Variants in ANKRD61 observed in about 807,000 individuals in gnomAD.
ANKRD61 encodes ankyrin repeat domain 61.
ANKRD61 carries 7 observed loss-of-function variants against 8.4 expected under a neutral mutation model. That is an observed-to-expected ratio of 0.84 (90% CI 0.48 to 1.57). The LOEUF is 1.57. Among genes scored for constraint, ANKRD61 ranks in the 40% most tolerant of loss-of-function variants. The pLI is 0.00. For missense variants in ANKRD61, 516 were observed against 523.4 expected (o/e 0.99, Z 0.14); for synonymous variants, 198 against 208.0 (o/e 0.95, Z 0.41).
Position 6,034,139 on chromosome 7 carries a change from T to C in ANKRD61, c.314+1203T>C, listed in dbSNP as rs1385761570. ...GAGACCAGCCTGGTGAAACCTCATC[T>C]CTACTAAAAATACAAAAACTAGCCA... On this transcript the variant is annotated intron_variant, in intron 2 of 2. Coordinates refer to ENST00000409061, the MANE Select transcript of ANKRD61 (RefSeq NM_001271700.2). Among the ~76,000 whole-genome samples, 16 of 151,256 alleles carry C rather than the reference T, an allele frequency of 1.1e-4. 1 individual carries two copies. The highest frequency in any genetic ancestry group is 1.5e-5 in the Non-Finnish European group (1 of 67,836).
In ANKRD61 at chr7:6,035,920, TACTC is replaced by T. The variant is rs1434271216; in HGVS notation, c.798_801del (p.His267GlufsTer40). The T allele has an allele frequency of 2.6e-6, 4 of 1,547,394 alleles. No homozygotes were observed. The highest frequency in any genetic ancestry group is 2.0e-5 in the Admixed American group (1 of 50,832). On this transcript the variant is annotated frameshift_variant, in exon 3 of 3. Coordinates refer to ENST00000409061, the MANE Select transcript of ANKRD61 (RefSeq NM_001271700.2). LOFTEE classifies it low-confidence loss of function (END_TRUNC). This position sits in a 1 kb window ranked among gnomAD's most constrained non-coding sequence, Gnocchi z 5.5. ...GCGGGGGTCAGCTGCATCCGTCTGCTACTCACTCACGGAGCCAAAGTCAACGCCC... is the reference window on the plus strand; with the variant it reads ...GCGGGGGTCAGCTGCATCCGTCTGCTACTCACGGAGCCAAAGTCAACGCCC...
Position 6,035,445 on chromosome 7 carries a change from G to T in ANKRD61, c.316G>T (p.Asp106Tyr). 6.5e-7 allele frequency: 1 copy of T among 1,548,940 alleles called. No homozygotes were observed. The highest frequency in any genetic ancestry group is 1.2e-5 in the South Asian group (1 of 83,954). ...ACGTGTAATCAATACCCATTCTAGG[G>T]ACACGACAGGCCTCACCACACTCAA... is the stretch of plus-strand genomic sequence containing the variant. ...LRHGADPEVR[D>Y]TTGLTTLNLM... The change falls in exon 3 of 3, where the codon GAC (aspartate) becomes TAC (tyrosine). Residue 106 changes from aspartate to tyrosine, a missense_variant and splice_region_variant. Physicochemically the swap from Asp to Tyr is radical, Grantham distance 160. Coordinates refer to ENST00000409061, the MANE Select transcript of ANKRD61 (RefSeq NM_001271700.2). The surrounding 1 kb of genome is among the most constrained non-coding windows in gnomAD (Gnocchi z 5.5).
Position 6,035,822 on chromosome 7 carries a change from C to G in ANKRD61, c.693C>G (p.Val231=), listed in dbSNP as rs1788062237. The G allele has an allele frequency of 6.5e-7, 1 of 1,549,858 alleles. No individual in the cohort carries two copies. The highest frequency in any genetic ancestry group is 8.7e-7 in the Non-Finnish European group (1 of 1,146,182). Residue 231 remains valine (V), a synonymous_variant, in exon 3 of 3, where the codon GTC becomes GTG. Coordinates refer to ENST00000409061, the MANE Select transcript of ANKRD61 (RefSeq NM_001271700.2). The surrounding 1 kb of genome is among the most constrained non-coding windows in gnomAD (Gnocchi z 5.5). ...IAYGANVNCA[V]SSTGNTPLKL... is the part of the protein sequence containing the mutation. ...ATGGAGCAAACGTCAACTGTGCTGT[C>G]TCTTCCACGGGGAACACGCCCCTGA...
Position 6,031,536 on chromosome 7 carries a change from A to G in ANKRD61, c.161A>G (p.Asn54Ser), listed in dbSNP as rs1583478705. 2.6e-6 allele frequency: 4 copies of G among 1,550,750 alleles called. No homozygotes were observed. Among genetic ancestry groups the G allele is most frequent in the Non-Finnish European group, 1.7e-6 (2 of 1,146,974 alleles). The change falls in exon 1 of 3, where the codon AAC becomes AGC. Residue 54 changes from asparagine (N) to serine (S), a missense_variant. Transcript: ENST00000409061. ...GTACTCCTGAGAAATCACCCTGTCA[A>G]CCAGCCCATCACCATTCTGCCCAAC... The part of the protein sequence containing the change: ...IEVLLRNHPV[N>S]QPITILPNSA...
rs1414968473 is a variant in ANKRD61 at position 6,032,880 on chromosome 7, C to A, written c.258C>A (p.Tyr86Ter). ...SIIPIHLAAK[Y>*]HKAQSLLCLL... ...TCCCCATCCATCTGGCTGCCAAGTA[C>A]CACAAGGCCCAGAGTCTGCTCTGCC... Residue 86 changes from tyrosine (Y) to a stop codon, truncating the protein, a stop_gained, in exon 2 of 3, where the codon TAC becomes TAA. Transcript: ENST00000409061. LOFTEE classifies it high-confidence loss of function. The surrounding 1 kb of genome is among the most constrained non-coding windows in gnomAD (Gnocchi z 4.3). The A allele has an allele frequency of 3.2e-6, 5 of 1,551,084 alleles. No individual in the cohort carries two copies. The highest frequency in any genetic ancestry group is 3.5e-6 in the Non-Finnish European group (4 of 1,147,036).
chr7:6,032,736 G>A lies in ANKRD61; in HGVS notation c.217-103G>A. 2.2e-6 allele frequency: 2 copies of A among 892,998 alleles called. No homozygotes were observed. Among genetic ancestry groups the A allele is most frequent in the Non-Finnish European group, 3.4e-6 (2 of 580,130 alleles). 55.3% of individuals were successfully genotyped at this position (892,998 alleles called of 1,614,324 possible). On this transcript the variant is annotated intron_variant, in intron 1 of 2. Transcript: ENST00000409061. The surrounding 1 kb of genome is among the most constrained non-coding windows in gnomAD (Gnocchi z 4.3). ...CATACCAGAAAAAGAGTGAGCCAAT[G>A]AGACACTAAATAAATGTATTGCCTT...
chr7:6,035,426 A>C lies in ANKRD61; in HGVS notation c.315-18A>C, dbSNP rs972852550. ...CCACTGTGAATTCAGTGTAACGTGTAATCAATACCCATTCTAGGGACACGA... is the reference window on the plus strand; with the variant it reads ...CCACTGTGAATTCAGTGTAACGTGTCATCAATACCCATTCTAGGGACACGA... On this transcript the variant is annotated intron_variant, in intron 2 of 2. Transcript: ENST00000409061. The surrounding 1 kb of genome is among the most constrained non-coding windows in gnomAD (Gnocchi z 5.5). 1.3e-6 allele frequency: 2 copies of C among 1,542,954 alleles called. No individual in the cohort carries two copies. The highest frequency in any genetic ancestry group is 1.4e-5 in the African/African-American group (1 of 72,954).
At position 6,035,101 on chromosome 7, in the gene ANKRD61, G is replaced by A. The variant is rs1347214075; in HGVS notation, c.315-343G>A. 6.6e-6 allele frequency among the ~76,000 whole-genome samples: 1 copy of A among 152,120 alleles called. No homozygotes were observed. The highest frequency in any genetic ancestry group is 1.5e-5 in the Non-Finnish European group (1 of 68,030). On this transcript the variant is annotated intron_variant, in intron 2 of 2. Transcript: ENST00000409061. This position sits in a 1 kb window ranked among gnomAD's most constrained non-coding sequence, Gnocchi z 5.5. ...AATCACTAAGATACAGCCTTGAAGGGACACAGCCCTAGCGGGGACGGCACA... is the reference window on the plus strand; with the variant it reads ...AATCACTAAGATACAGCCTTGAAGGAACACAGCCCTAGCGGGGACGGCACA...
At position 6,032,781 on chromosome 7, in the gene ANKRD61, A is replaced by G; in HGVS notation, c.217-58A>G. 1 of 1,401,460 alleles carries G rather than the reference A, an allele frequency of 7.1e-7. No homozygotes were observed. The highest frequency in any genetic ancestry group is 9.8e-7 in the Non-Finnish European group (1 of 1,015,822). The allele number at this position is 1,401,460 out of a possible 1,614,324, so 86.8% of individuals were successfully genotyped here. On this transcript the variant is annotated intron_variant, in intron 1 of 2. Coordinates refer to ENST00000409061, the MANE Select transcript of ANKRD61 (RefSeq NM_001271700.2). This position sits in a 1 kb window ranked among gnomAD's most constrained non-coding sequence, Gnocchi z 4.3. Reference sequence around the variant, plus strand: ...TGCCTTTGAAACGGCAAGCTAACACAAACAGTATTTTTAACTACACAGGGC... The same window carrying G: ...TGCCTTTGAAACGGCAAGCTAACACGAACAGTATTTTTAACTACACAGGGC...
Position 6,036,229 on chromosome 7 carries a change from TAAAGCAATCGCAA to T in ANKRD61, c.1104_1116del (p.Lys368AsnfsTer25), listed in dbSNP as rs1249026994. ...TTCCGCCTCTTAAGGGACACCCTAATAAAGCAATCGCAAAAACCTTTATCCCTACAGGGTATCT... is the reference window on the plus strand; with the variant it reads ...TTCCGCCTCTTAAGGGACACCCTAATAAACCTTTATCCCTACAGGGTATCT... On this transcript the variant is annotated frameshift_variant, in exon 3 of 3. Transcript: ENST00000409061. LOFTEE classifies it low-confidence loss of function (END_TRUNC). The surrounding 1 kb of genome is among the most constrained non-coding windows in gnomAD (Gnocchi z 4.6). 2 of 1,550,154 alleles carry T rather than the reference TAAAGCAATCGCAA, an allele frequency of 1.3e-6. No homozygotes were observed. The highest frequency in any genetic ancestry group is 4.9e-5 in the East Asian group (2 of 40,910).
chr7:6,035,326 C>T lies in ANKRD61; in HGVS notation c.315-118C>T, dbSNP rs1788046006. 4 of 1,027,142 alleles carry T rather than the reference C, an allele frequency of 3.9e-6. No individual in the cohort carries two copies. Among genetic ancestry groups the T allele is most frequent in the Non-Finnish European group, 5.6e-6 (4 of 716,510 alleles). The allele number at this position is 1,027,142 out of a possible 1,614,324, so 63.6% of individuals were successfully genotyped here. A position where few individuals can be genotyped will look rare whatever the true frequency, so the allele number is the denominator to read the frequency against. The stretch of plus-strand genomic sequence containing the variant: ...AGCGATACAGATTTTGAAACACGTC[C>T]TTAAGGTAATTGAAGGGTCTTACTT... On this transcript the variant is annotated intron_variant, in intron 2 of 2. Coordinates refer to ENST00000409061, the MANE Select transcript of ANKRD61 (RefSeq NM_001271700.2). This position sits in a 1 kb window ranked among gnomAD's most constrained non-coding sequence, Gnocchi z 5.5.
Position 6,033,000 on chromosome 7 carries a change from GCT to G in ANKRD61, c.314+67_314+68del. 2 of 1,394,756 alleles carry G rather than the reference GCT, an allele frequency of 1.4e-6. No homozygotes were observed. Among genetic ancestry groups the G allele is most frequent in the Non-Finnish European group, 2.0e-6 (2 of 1,020,766 alleles). The allele number at this position is 1,394,756 out of a possible 1,614,324, so 86.4% of individuals were successfully genotyped here. On this transcript the variant is annotated intron_variant, in intron 2 of 2. Coordinates refer to ENST00000409061, the MANE Select transcript of ANKRD61 (RefSeq NM_001271700.2). The surrounding 1 kb of genome is among the most constrained non-coding windows in gnomAD (Gnocchi z 4.3). ...TTTTTTGTTTTGAGGCAGGGGTCTC[GCT>G]CTGTTGCCCAGGCTGGAGTGCAATG...
At position 6,032,924 on chromosome 7, in the gene ANKRD61, A is replaced by G. The variant is rs115362245; in HGVS notation, c.302A>G (p.Asp101Gly). Residue 101 changes from aspartate to glycine, a missense_variant, in exon 2 of 3, where the codon GAC (aspartate) becomes GGC (glycine). Physicochemically the swap from Asp to Gly is moderately conservative, Grantham distance 94. Transcript: ENST00000409061. This position sits in a 1 kb window ranked among gnomAD's most constrained non-coding sequence, Gnocchi z 4.3. ...SLLCLLRHGA[D>G]PEVRDTTGLT... ...CTCTGCCTGTTACGGCACGGTGCTG[A>G]CCCAGAAGTCAGGTAAGTTAACTCC... The G allele has an allele frequency of 9.0e-4, 1,389 of 1,550,398 alleles. 12 individuals are homozygous for G. The African/African-American group carries it at 0.016, about 18-fold the overall frequency.
Position 6,036,271 on chromosome 7 carries a change from A to G in ANKRD61, c.1142A>G (p.Lys381Arg), listed in dbSNP as rs1788090073. The G allele has an allele frequency of 6.5e-7, 1 of 1,549,968 alleles. No individual in the cohort carries two copies. Among genetic ancestry groups the G allele is most frequent in the Admixed American group, 2.0e-5 (1 of 50,690 alleles). Residue 381 changes from lysine to arginine, a missense_variant, in exon 3 of 3, where the codon AAA (lysine) becomes AGA (arginine). Transcript: ENST00000409061. The surrounding 1 kb of genome is among the most constrained non-coding windows in gnomAD (Gnocchi z 4.6). Reference protein sequence around the residue: ...QKPLSLQGICKRNIRNIYGEK... With the variant: ...QKPLSLQGICRRNIRNIYGEK... ...CCTTTATCCCTACAGGGTATCTGCA[A>G]AAGAAACATCAGGAATATTTATGGT... is the stretch of plus-strand genomic sequence containing the variant.
chr7:6,034,695 C>T (rs1788025697), intron 2 of ANKRD61, among the ~76,000 whole-genome samples: 1 of 152,196 alleles, frequency 6.6e-6, no homozygotes. Flanking sequence ...GAACTAAAAT[C>T]ATTTTCTAAT....
Position 6,035,585 on chromosome 7 carries a change from G to T in ANKRD61, c.456G>T (p.Leu152Phe). The change falls in exon 3 of 3, where the codon TTG (leucine) becomes TTT (phenylalanine). Residue 152 changes from leucine to phenylalanine, a missense_variant. Physicochemically the swap from Leu to Phe is conservative, Grantham distance 22. Coordinates refer to ENST00000409061, the MANE Select transcript of ANKRD61 (RefSeq NM_001271700.2). The surrounding 1 kb of genome is among the most constrained non-coding windows in gnomAD (Gnocchi z 5.5). ...GCAGCATCACATGTCTCCGCATCTT[G>T]TGTGCGCACGGAGCTCAAGTGAACA... ...QNSSITCLRI[L>F]CAHGAQVNTQ... 1 of 1,551,120 alleles carries T rather than the reference G, an allele frequency of 6.4e-7. No individual in the cohort carries two copies. Among genetic ancestry groups the T allele is most frequent in the Non-Finnish European group, 8.7e-7 (1 of 1,147,116 alleles).
chr7:6,031,404 G>A lies in ANKRD61; in HGVS notation c.29G>A (p.Arg10Lys). MGNITRKGS[R>K]DLVVDSAKSL... ...GGGAATATAACCAGGAAAGGAAGCA[G>A]AGACCTGGTGGTTGACAGTGCCAAG... Residue 10 changes from arginine to lysine, a missense_variant, in exon 1 of 3, where the codon AGA becomes AAA. By Grantham distance (26) the Arg-to-Lys change is conservative. Coordinates refer to ENST00000409061, the MANE Select transcript of ANKRD61 (RefSeq NM_001271700.2). 6.4e-7 allele frequency: 1 copy of A among 1,550,780 alleles called. No individual in the cohort carries two copies. The highest frequency in any genetic ancestry group is 8.7e-7 in the Non-Finnish European group (1 of 1,147,048).
chr7:6,035,357 A>G lies in ANKRD61; in HGVS notation c.315-87A>G. 1 of 1,252,420 alleles carries G rather than the reference A, an allele frequency of 8.0e-7. No individual in the cohort carries two copies. Among genetic ancestry groups the G allele is most frequent in the African/African-American group, 1.5e-5 (1 of 66,220 alleles). 77.6% of individuals were successfully genotyped at this position (1,252,420 alleles called of 1,614,324 possible). A position where few individuals can be genotyped will look rare whatever the true frequency, so the allele number is the denominator to read the frequency against. Reference sequence around the variant, plus strand: ...GTAATTGAAGGGTCTTACTTTAAATAAATACTGGCTTCTTAAGCATTAACT... The same window carrying G: ...GTAATTGAAGGGTCTTACTTTAAATGAATACTGGCTTCTTAAGCATTAACT... On this transcript the variant is annotated intron_variant, in intron 2 of 2. Coordinates refer to ENST00000409061, the MANE Select transcript of ANKRD61 (RefSeq NM_001271700.2). This position sits in a 1 kb window ranked among gnomAD's most constrained non-coding sequence, Gnocchi z 5.5.
chr7:6,032,976 T>C lies in ANKRD61; in HGVS notation c.314+40T>C, dbSNP rs1336019448. ...CCGAAAATCATTTCTTTTTTTTTCT[T>C]TTTTGTTTTGAGGCAGGGGTCTCGC... is the stretch of plus-strand genomic sequence containing the variant. On this transcript the variant is annotated intron_variant, in intron 2 of 2. Transcript: ENST00000409061. This position sits in a 1 kb window ranked among gnomAD's most constrained non-coding sequence, Gnocchi z 4.3. 2.6e-6 allele frequency: 4 copies of C among 1,519,328 alleles called. No homozygotes were observed. The highest frequency in any genetic ancestry group is 2.0e-5 in the Admixed American group (1 of 50,506). The allele number at this position is 1,519,328 out of a possible 1,614,324, so 94.1% of individuals were successfully genotyped here.
Sources: allele counts gnomAD v4.1 joint callset (sites outside exome capture counted in the v4.1 genomes callset), GRCh38; gene constraint gnomAD v4.1.1; non-coding constraint Gnocchi (gnomAD v3.1); transcripts MANE v1.5; gene names NCBI Gene and HGNC (gene_info 2026-07-23, HGNC 2026-07-21).